SLC7A2: variants seen among roughly 807,000 people sequenced by gnomAD.
SLC7A2 encodes cationic amino acid transporter 2.
Under a neutral mutation model 58.9 loss-of-function variants are expected in SLC7A2, and 48 were observed. That is an observed-to-expected ratio of 0.82 (90% CI 0.65 to 1.04). SLC7A2 has a LOEUF of 1.04. Ranked by LOEUF, SLC7A2 falls within the 50% of genes least tolerant of loss-of-function variation. SLC7A2 has a pLI of 0.00. For missense variants in SLC7A2, 1,029 were observed against 818.8 expected (o/e 1.26, Z -3.13); for synonymous variants, 363 against 314.5 (o/e 1.15, Z -1.63).
intron 2 of SLC7A2, among the ~76,000 whole-genome samples, chr8:17,506,092 C>T (rs536769742): frequency 3.9e-5 from 6 of 152,156 alleles, no homozygotes; most frequent in Non-Finnish European, 5.9e-5. Flanking sequence ...CTTTTAAATG[C>T]GTTGCATTTG....
chr8:17,503,241 G>A (rs527310684), intron 2 of SLC7A2, among the ~76,000 whole-genome samples: 3 of 151,982 alleles, frequency 2.0e-5, no homozygotes, highest in South Asian at 4.2e-4. Flanking sequence ...TAGTAGAGAC[G>A]GGGTTTCACC....
rs1803390435 is a variant in SLC7A2 at position 17,568,935 on chromosome 8, G to C, written c.*3789G>C. The C allele has an allele frequency of 6.6e-6, 1 of 152,108 alleles. No individual in the cohort carries two copies. The allele number at this position is 152,108 out of a possible 1,614,324, so 9.4% of individuals were successfully genotyped here. A position where few individuals can be genotyped will look rare whatever the true frequency, so the allele number is the denominator to read the frequency against. Reference sequence around the variant, plus strand: ...GCTGAGATTACGCCACTGCACTCTAGCCTGGGCAACGGTGAGACCCTGCCT... The same window carrying C: ...GCTGAGATTACGCCACTGCACTCTACCCTGGGCAACGGTGAGACCCTGCCT... On this transcript the variant is annotated 3_prime_UTR_variant, in exon 13 of 13. Transcript: ENST00000494857.
intron 9 of SLC7A2, 129 bp from the exon 10 acceptor site, chr8:17,560,199 G>A (rs1802898705): frequency 1.5e-6 from 1 of 678,342 alleles, no homozygotes; most frequent in South Asian, 1.8e-5. Flanking sequence ...TGGGACTGGA[G>A]TCATAAGTGT....
intron 3 of SLC7A2, among the ~76,000 whole-genome samples, chr8:17,543,943 G>A (rs573071645): frequency 2.0e-5 from 3 of 152,152 alleles, no homozygotes; most frequent in Non-Finnish European, 4.4e-5. Context: ...ATCTCAGCTC[G>A]CTGCAACCTC....
chr8:17,558,099 T>C (rs184675567), intron 8 of SLC7A2, among the ~76,000 whole-genome samples, 196 bp from the exon 9 acceptor site: 43 of 152,284 alleles, frequency 2.8e-4, no homozygotes, highest in African/African-American at 1.0e-3. Context: ...CTGAGGGTTT[T>C]TGAAGTCCTA....
rs1415542057 is a variant in SLC7A2 at position 17,561,985 on chromosome 8, G to C, written c.1546G>C (p.Val516Leu). The C allele has an allele frequency of 1.2e-6, 2 of 1,614,130 alleles. No homozygotes were observed. The highest frequency in any genetic ancestry group is 1.1e-5 in the South Asian group (1 of 91,080). Residue 516 changes from valine to leucine, a missense_variant, in exon 11 of 13, where the codon GTT becomes CTT. Coordinates refer to ENST00000494857, the MANE Select transcript of SLC7A2 (RefSeq NM_001370338.1). The part of the protein sequence containing the change: ...LGLSVLTTYG[V>L]HAITRLEAWS... ...CCTGAGTGTCTTGACCACTTACGGA[G>C]TTCATGCCATCACCAGGCTGGAGGC...
intron 2 of SLC7A2, among the ~76,000 whole-genome samples, chr8:17,516,160 T>C (rs1800794576): frequency 6.6e-6 from 1 of 152,140 alleles, no homozygotes; most frequent in Admixed American, 6.6e-5. Context: ...GTCAGACACT[T>C]TGCTTGTCCA....
intron 8 of SLC7A2, chr8:17,555,000 T>A (rs1398730520): frequency 6.2e-7 from 1 of 1,614,012 alleles, no homozygotes; most frequent in Non-Finnish European, 8.5e-7. Context: ...TGGCCCGGGA[T>A]GGCTTACTGT....
At chr8:17,558,445 T>C in intron 9 of SLC7A2, 48 bp downstream of exon 9, 3 of 1,243,964 alleles carry the variant, frequency 2.4e-6, no homozygotes, top group Non-Finnish European at 3.5e-6. Context: ...CGAGGGACTC[T>C]GGGAGTGAGA....
chr8:17,541,070 T>G (rs1430822427), intron 2 of SLC7A2, among the ~76,000 whole-genome samples: 1 of 152,206 alleles, frequency 6.6e-6, no homozygotes, highest in East Asian at 1.9e-4. Flanking sequence ...AAATCGTTAA[T>G]GAACTTCAGT....
chr8:17,497,026 C>G (rs978878156), upstream of SLC7A2: 3 of 145,932 alleles, frequency 2.1e-5, no homozygotes, highest in Non-Finnish European at 3.1e-5. Context: ...GCGGTGCCGC[C>G]CGGCCCCGCG....
chr8:17,562,180 A>ATTTTTTTTTTTTTTT lies in SLC7A2; in HGVS notation c.1671+91_1671+105dup, dbSNP rs200130071. On this transcript the variant is annotated intron_variant, in intron 11 of 12. Coordinates refer to ENST00000494857, the MANE Select transcript of SLC7A2 (RefSeq NM_001370338.1). ...TCTCTGTATAATTAGTTTGGTAAGTATTTTTTTTTTTTTTTTTTTTTTTTT... is the reference window on the plus strand; with the variant it reads ...TCTCTGTATAATTAGTTTGGTAAGTATTTTTTTTTTTTTTTTTTTTTTTTTTTTTTTTTTTTTTTT... 52 of 594,378 alleles carry ATTTTTTTTTTTTTTT rather than the reference A, an allele frequency of 8.7e-5. No individual in the cohort carries two copies. The African/African-American group carries it at 9.2e-4, about 11-fold the overall frequency. 36.8% of individuals were successfully genotyped at this position (594,378 alleles called of 1,614,324 possible).
Position 17,554,582 on chromosome 8 carries a change from A to G in SLC7A2, c.1078A>G (p.Met360Val), listed in dbSNP as rs143317710. The stretch of plus-strand genomic sequence containing the variant: ...CAGTCTTCTTGGATCCATTTTCCCA[A>G]TGCCTCGTGTAATCTATGCTATGGC... ...STSLLGSIFP[M>V]PRVIYAMAED... is the part of the protein sequence containing the mutation. The change falls in exon 8 of 13, where the codon ATG (methionine) becomes GTG (valine). Residue 360 changes from methionine to valine, a missense_variant. Met to Val is a conservative substitution (Grantham distance 21). Coordinates refer to ENST00000494857, the MANE Select transcript of SLC7A2 (RefSeq NM_001370338.1). 22 of 1,605,118 alleles carry G rather than the reference A, an allele frequency of 1.4e-5. No homozygotes were observed. Among genetic ancestry groups the G allele is most frequent in the Middle Eastern group, 3.3e-4 (2 of 6,028 alleles).
chr8:17,520,551 G>A (rs1800972774), intron 2 of SLC7A2, among the ~76,000 whole-genome samples: 2 of 138,194 alleles, frequency 1.4e-5, no homozygotes, highest in East Asian at 4.7e-4. Context: ...TGAGGCACGA[G>A]AATTGCTTGA....
At chr8:17,544,414 C>T in intron 3 of SLC7A2, 37 bp from the exon 4 acceptor site, 1 of 1,592,534 alleles carries the variant, frequency 6.3e-7, no homozygotes, top group Non-Finnish European at 8.6e-7. Context: ...TTAATTTGCC[C>T]CCAGTGACTT....
At chr8:17,560,686 A>G (rs1802935677) in intron 10 of SLC7A2, among the ~76,000 whole-genome samples, 153 bp downstream of exon 10, 1 of 152,198 alleles carries the variant, frequency 6.6e-6, no homozygotes, top group Admixed American at 6.6e-5. Flanking sequence ...CCAGTGGTTG[A>G]GATCATCTTT....
At chr8:17,516,087 G>T (rs954455577) in intron 2 of SLC7A2, among the ~76,000 whole-genome samples, 1 of 151,980 alleles carries the variant, frequency 6.6e-6, no homozygotes, top group Non-Finnish European at 1.5e-5. Context: ...TTTTCCCTAA[G>T]AATGAAAAGA....
rs1432069575 is a variant in SLC7A2 at position 17,526,983 on chromosome 8, A to G, written c.-22-16335A>G. Among the ~76,000 whole-genome samples, 3 of 152,070 alleles carry G rather than the reference A, an allele frequency of 2.0e-5. No homozygotes were observed. In the East Asian group the frequency reaches 5.8e-4, roughly 29 times the overall value. ...CATGATAATACCAGAGTGTTGATCA[A>G]TGGGTCAGTATCATCCTGAAGGGAC... On this transcript the variant is annotated intron_variant, in intron 2 of 12. Transcript: ENST00000494857.
chr8:17,560,889 A>G (rs1327842161), intron 10 of SLC7A2, among the ~76,000 whole-genome samples: 1 of 152,182 alleles, frequency 6.6e-6, no homozygotes, highest in African/African-American at 2.4e-5. Flanking sequence ...ATAATATAGA[A>G]AATCCTTGTT....
Sources: gnomAD v4.1 joint callset for allele counts (sites outside exome capture counted in the v4.1 genomes callset) on GRCh38, gnomAD v4.1.1 for gene constraint, MANE v1.5 for transcripts, NCBI Gene and HGNC (gene_info 2026-07-23, HGNC 2026-07-21) for gene names.